CHAF1A: variants seen among roughly 807,000 people sequenced by gnomAD.
CHAF1A encodes the protein CAF-1 subunit A.
Under a neutral mutation model 93.2 loss-of-function variants are expected in CHAF1A, and 5 were observed. The ratio of observed to expected loss-of-function variants is 0.05; its 90% CI spans 0.03 to 0.11. The LOEUF (loss-of-function observed/expected upper bound fraction) is 0.11. CHAF1A is among the 10% of genes least tolerant of loss of function. CHAF1A has a pLI of 1.00. For synonymous variants in CHAF1A, 504 were observed against 510.3 expected (o/e 0.99, Z 0.17); for missense variants, 1,102 against 1,259.9 (o/e 0.87, Z 1.90).
At chr19:4,450,789 G>C in the CHAF1A span, 1 of 123,380 alleles carries the variant, frequency 8.1e-6, no homozygotes, top group Non-Finnish European at 1.8e-5. Flanking sequence ...AAAAAAAAGA[G>C]TGCCTACAAA....
Position 4,409,289 on chromosome 19 carries a change from A to T in CHAF1A, c.490A>T (p.Ile164Phe). Reference protein sequence around the residue: ...TGDQQGLLKAIQNDKLAFPGE... With the variant: ...TGDQQGLLKAFQNDKLAFPGE... Reference sequence around the variant, plus strand: ...GGATCAGCAGGGGTTGTTGAAGGCCATTCAGAACGACAAGTTGGCATTTCC... The same window carrying T: ...GGATCAGCAGGGGTTGTTGAAGGCCTTTCAGAACGACAAGTTGGCATTTCC... Residue 164 changes from isoleucine (I) to phenylalanine (F), a missense_variant, in exon 3 of 15, where the codon ATT (isoleucine) becomes TTT (phenylalanine). This residue lies in a region of CHAF1A where 379 missense variants were observed against 365.7 expected (regional missense o/e 1.04). Transcript: ENST00000301280. 1 of 1,614,174 alleles carries T rather than the reference A, an allele frequency of 6.2e-7. No homozygotes were observed. The highest frequency in any genetic ancestry group is 1.3e-5 in the African/African-American group (1 of 75,052).
Position 4,442,999 on chromosome 19 carries a change from A to C in CHAF1A, c.2845A>C (p.Thr949Pro). 6.3e-7 allele frequency: 1 copy of C among 1,598,348 alleles called. No homozygotes were observed. Among genetic ancestry groups the C allele is most frequent in the Non-Finnish European group, 8.5e-7 (1 of 1,173,036 alleles). Residue 949 changes from threonine to proline, a missense_variant, in exon 15 of 15, where the codon ACC becomes CCC. Physicochemically the swap from Thr to Pro is conservative, Grantham distance 38. Around this residue, in one of 6 missense-constraint regions of CHAF1A, gnomAD observed 119 missense variants for 102.2 expected, o/e 1.16. Transcript: ENST00000301280. ...GGTGGACACCGGCAAGGCCACCCTGACCGCGAGCCCACTGGGTGCATCCTG... is the reference window on the plus strand; with the variant it reads ...GGTGGACACCGGCAAGGCCACCCTGCCCGCGAGCCCACTGGGTGCATCCTG... ...VGVDTGKATL[T>P]ASPLGAS
At chr19:4,428,230 G>A (rs1974119433) in intron 7 of CHAF1A, among the ~76,000 whole-genome samples, 1 of 150,920 alleles carries the variant, frequency 6.6e-6, no homozygotes, top group Non-Finnish European at 1.5e-5. Flanking sequence ...GACCTCAGGT[G>A]ATCCGCCCTC....
At chr19:4,408,132 G>A (rs1973715015) in intron 2 of CHAF1A, among the ~76,000 whole-genome samples, 1 of 149,160 alleles carries the variant, frequency 6.7e-6, no homozygotes, top group African/African-American at 2.5e-5. Context: ...TCAGCCTCCC[G>A]AAGTGCTGGG....
chr19:4,420,389 C>T (rs1014937504), intron 4 of CHAF1A, among the ~76,000 whole-genome samples: 6 of 152,042 alleles, frequency 3.9e-5, no homozygotes, highest in Admixed American at 2.6e-4. Context: ...ATTACAGGCA[C>T]GTGCCTTCAT....
intron 3 of CHAF1A, among the ~76,000 whole-genome samples, chr19:4,414,944 A>G (rs1973872203): frequency 6.6e-6 from 1 of 152,172 alleles, no homozygotes; most frequent in Non-Finnish European, 1.5e-5. Context: ...TGGGCTTAGA[A>G]ATTAGATACC....
At chr19:4,437,376 G>T (rs564633472) in intron 13 of CHAF1A, among the ~76,000 whole-genome samples, 5 of 151,992 alleles carry the variant, frequency 3.3e-5, no homozygotes, top group East Asian at 1.9e-4. Context: ...TTTTGACAGG[G>T]TCTCACTCTG....
At chr19:4,410,323 G>A (rs1353426725) in intron 3 of CHAF1A, among the ~76,000 whole-genome samples, 1 of 151,478 alleles carries the variant, frequency 6.6e-6, no homozygotes. Context: ...TGGGAGGATC[G>A]CTTGAAGATC....
chr19:4,410,960 A>G (rs570664396), intron 3 of CHAF1A, among the ~76,000 whole-genome samples: 1 of 152,328 alleles, frequency 6.6e-6, no homozygotes, highest in African/African-American at 2.4e-5. Flanking sequence ...AAACTGATAA[A>G]ATCAGTCACG....
At position 4,429,803 on chromosome 19, in the gene CHAF1A, C is replaced by T. The variant is rs1321196702; in HGVS notation, c.1854+15C>T. 1 of 1,604,676 alleles carries T rather than the reference C, an allele frequency of 6.2e-7. No individual in the cohort carries two copies. Among genetic ancestry groups the T allele is most frequent in the South Asian group, 1.1e-5 (1 of 90,026 alleles). Reference sequence around the variant, plus strand: ...ACAGTGAGGGGGTAAGGATGTGCCCCAGCTGTCTTCACTCACAGACGGCTT... The same window carrying T: ...ACAGTGAGGGGGTAAGGATGTGCCCTAGCTGTCTTCACTCACAGACGGCTT... On this transcript the variant is annotated intron_variant, in intron 10 of 14. Transcript: ENST00000301280.
chr19:4,416,026 T>G (rs1164955970), intron 3 of CHAF1A, among the ~76,000 whole-genome samples: 1 of 151,928 alleles, frequency 6.6e-6, no homozygotes, highest in African/African-American at 2.4e-5. Flanking sequence ...ACAAAAAAAT[T>G]ACCCAGGCAT....
intron 13 of CHAF1A, among the ~76,000 whole-genome samples, chr19:4,437,644 A>G (rs1320417385): frequency 6.6e-6 from 1 of 152,142 alleles, no homozygotes; most frequent in Non-Finnish European, 1.5e-5. Flanking sequence ...TCTGCACCCA[A>G]GGGGAGGGAT....
At chr19:4,438,779 T>C (rs1448627351) in intron 13 of CHAF1A, among the ~76,000 whole-genome samples, 1 of 151,812 alleles carries the variant, frequency 6.6e-6, no homozygotes, top group East Asian at 1.9e-4. Context: ...GTCAGGAGAT[T>C]GAGACCATCC....
chr19:4,404,705 A>G lies in CHAF1A; in HGVS notation c.53-1207A>G, dbSNP rs372659486. Among the ~76,000 whole-genome samples, 37 of 152,300 alleles carry G rather than the reference A, an allele frequency of 2.4e-4. 1 individual carries two copies. The highest frequency in any genetic ancestry group is 3.4e-3 in the Middle Eastern group (1 of 294). ...AATGCTTACAAAACATACGTAGATTAACCAAAATAACTAAACTAGGTTTTG... is the reference window on the plus strand; with the variant it reads ...AATGCTTACAAAACATACGTAGATTGACCAAAATAACTAAACTAGGTTTTG... On this transcript the variant is annotated intron_variant, in intron 1 of 14. Coordinates refer to ENST00000301280, the MANE Select transcript of CHAF1A (RefSeq NM_005483.3).
At chr19:4,432,875 C>T (rs1050283596) in intron 12 of CHAF1A, among the ~76,000 whole-genome samples, 195 bp from the exon 13 acceptor site, 1 of 152,120 alleles carries the variant, frequency 6.6e-6, no homozygotes, top group Admixed American at 6.5e-5. Flanking sequence ...CACACGTGCC[C>T]GGCCAAGGCT....
intron 13 of CHAF1A, 50 bp from the exon 14 acceptor site, chr19:4,442,195 A>AG (rs745491328): frequency 6.0e-6 from 9 of 1,504,742 alleles, no homozygotes; most frequent in Non-Finnish European, 6.5e-6. Flanking sequence ...CACTGGCACC[A>AG]GGGTGGCTGC....
intron 13 of CHAF1A, among the ~76,000 whole-genome samples, chr19:4,440,471 T>C (rs1599665845): frequency 6.7e-6 from 1 of 149,762 alleles, no homozygotes; most frequent in Non-Finnish European, 1.5e-5. Context: ...TAGCTGGGCG[T>C]GATGGCGGGT....
At chr19:4,423,249 C>A in intron 5 of CHAF1A, 86 bp from the exon 6 acceptor site, 1 of 1,565,790 alleles carries the variant, frequency 6.4e-7, no homozygotes, top group Non-Finnish European at 8.6e-7. Context: ...AAATGAAATA[C>A]TTGCCATATA....
At position 4,408,999 on chromosome 19, in the gene CHAF1A, A is replaced by G; in HGVS notation, c.200A>G (p.Asp67Gly). 1 of 1,614,176 alleles carries G rather than the reference A, an allele frequency of 6.2e-7. No homozygotes were observed. Among genetic ancestry groups the G allele is most frequent in the Admixed American group, 1.7e-5 (1 of 60,018 alleles). ...QGTSVQSKSP[D>G]LEASLDTLEN... ...ACTTCTGTGCAAAGTAAAAGCCCCG[A>G]TTTAGAGGCCTCTTTGGACACCTTG... The change falls in exon 3 of 15, where the codon GAT (aspartate) becomes GGT (glycine). Residue 67 changes from aspartate to glycine, a missense_variant. By Grantham distance (94) the Asp-to-Gly change is moderately conservative (BLOSUM62 -1). Coordinates refer to ENST00000301280, the MANE Select transcript of CHAF1A (RefSeq NM_005483.3).
Sources: gnomAD v4.1 joint callset for allele counts (sites outside exome capture counted in the v4.1 genomes callset) on GRCh38, gnomAD v4.1.1 for gene constraint, gnomAD v4.1.1 regional missense constraint, MANE v1.5 for transcripts, NCBI Gene and HGNC (gene_info 2026-07-23, HGNC 2026-07-21) for gene names.